The following DOCK2 variants were observed in gnomAD, a reference collection of about 807,000 sequenced individuals.
The protein encoded by DOCK2 is dedicator of cytokinesis protein 2.
Under a neutral mutation model 248.9 loss-of-function variants are expected in DOCK2, and 87 were observed. The ratio of observed to expected loss-of-function variants is 0.35; its 90% CI spans 0.29 to 0.42. The LOEUF (loss-of-function observed/expected upper bound fraction) is 0.42. Among genes scored for constraint, DOCK2 ranks in the 10% least tolerant of loss-of-function variants. The pLI is 1.00. For synonymous variants in DOCK2, 805 were observed against 821.6 expected (o/e 0.98, Z 0.35); for missense variants, 1,747 against 2,300.2 (o/e 0.76, Z 4.92).
chr5:169,717,355 A>G, intron 20 of DOCK2, 29 bp from the exon 21 acceptor site: 1 of 1,604,062 alleles, frequency 6.2e-7, no homozygotes, highest in South Asian at 1.1e-5. Flanking sequence ...GTTTGCCCTG[A>G]AAATACTGCT....
intron 44 of DOCK2, among the ~76,000 whole-genome samples, chr5:170,063,531 T>G (rs1418847935): frequency 1.3e-5 from 2 of 152,142 alleles, no homozygotes; most frequent in African/African-American, 4.8e-5. Context: ...CAAACTTGCA[T>G]CAGGAAGCTA....
chr5:170,007,333 T>C (rs1357951351), intron 30 of DOCK2, among the ~76,000 whole-genome samples: 1 of 152,226 alleles, frequency 6.6e-6, no homozygotes, highest in Non-Finnish European at 1.5e-5. Context: ...TTGCAGGACC[T>C]TGGCATCTTG....
chr5:169,836,231 A>T (rs1769576605), intron 26 of DOCK2, among the ~76,000 whole-genome samples: 3 of 152,248 alleles, frequency 2.0e-5, no homozygotes, highest in Admixed American at 2.0e-4. Context: ...TCAAAGTTTC[A>T]TTTAACTGGT....
At chr5:169,990,608 T>C (rs1045243145) in intron 29 of DOCK2, among the ~76,000 whole-genome samples, 1 of 152,174 alleles carries the variant, frequency 6.6e-6, no homozygotes, top group Non-Finnish European at 1.5e-5. Flanking sequence ...GAGCATTTTG[T>C]GTGTTGTAAA....
chr5:170,067,129 T>C (rs1372588168), intron 44 of DOCK2, among the ~76,000 whole-genome samples: 1 of 152,198 alleles, frequency 6.6e-6, no homozygotes, highest in Non-Finnish European at 1.5e-5. Flanking sequence ...GGTGCCCACA[T>C]CGCAAGCTGC....
chr5:169,693,713 G>A (rs1430108605), intron 9 of DOCK2, among the ~76,000 whole-genome samples: 1 of 152,166 alleles, frequency 6.6e-6, no homozygotes, highest in Non-Finnish European at 1.5e-5. Context: ...CAGCTGGTGG[G>A]ATGAACAGCC....
intron 22 of DOCK2, among the ~76,000 whole-genome samples, chr5:169,722,229 A>G (rs773926132): frequency 2.0e-5 from 3 of 152,228 alleles, no homozygotes; most frequent in Non-Finnish European, 4.4e-5. Context: ...TCAGACAACC[A>G]GCTGTGCAGA....
rs373745722 is a variant in DOCK2, at chr5:169,696,470, T to C, written c.979+532T>C. 1.3e-4 allele frequency among the ~76,000 whole-genome samples: 20 copies of C among 152,326 alleles called. No individual in the cohort carries two copies. In the East Asian group the frequency reaches 2.7e-3, roughly 21 times the overall value. Reference sequence around the variant, plus strand: ...CTCTCCTGGGGTTTCTAAGGCTTCGTCATTCTTGCCCCACTTTTATGGTTT... The same window carrying C: ...CTCTCCTGGGGTTTCTAAGGCTTCGCCATTCTTGCCCCACTTTTATGGTTT... On this transcript the variant is annotated intron_variant, in intron 10 of 51. Coordinates refer to ENST00000520908, the MANE Select transcript of DOCK2 (RefSeq NM_004946.3).
At chr5:169,804,376 A>G (rs1767179059) in intron 26 of DOCK2, among the ~76,000 whole-genome samples, 1 of 151,998 alleles carries the variant, frequency 6.6e-6, no homozygotes, top group East Asian at 1.9e-4. Flanking sequence ...GAACAAGAAA[A>G]CCTATCCCCA....
intron 25 of DOCK2, chr5:169,773,136 T>A (rs1482722727): frequency 6.6e-6 from 1 of 152,172 alleles, no homozygotes; most frequent in Non-Finnish European, 1.5e-5. Flanking sequence ...AATCCTCTCT[T>A]CCTGTTCTGA....
chr5:169,920,097 A>T (rs1775090537), intron 27 of DOCK2, among the ~76,000 whole-genome samples: 2 of 152,186 alleles, frequency 1.3e-5, no homozygotes, highest in Non-Finnish European at 2.9e-5. Flanking sequence ...TGAATAGTTA[A>T]AGAAACACCA....
At chr5:169,745,286 G>A (rs1342118869) in intron 22 of DOCK2, among the ~76,000 whole-genome samples, 1 of 152,132 alleles carries the variant, frequency 6.6e-6, no homozygotes, top group Non-Finnish European at 1.5e-5. Flanking sequence ...TGACATTTGG[G>A]CAAGTTTCAA....
At chr5:169,972,943 G>T (rs567856548) in intron 27 of DOCK2, among the ~76,000 whole-genome samples, 1 of 152,154 alleles carries the variant, frequency 6.6e-6, no homozygotes, top group Admixed American at 6.5e-5. Context: ...CCTAGTACCT[G>T]AGTGTGCTGT....
At chr5:169,715,017 A>G (rs1222547653) in intron 19 of DOCK2, among the ~76,000 whole-genome samples, 6 of 152,142 alleles carry the variant, frequency 3.9e-5, no homozygotes, top group African/African-American at 1.4e-4. Flanking sequence ...AGTACTACCC[A>G]CAGATCATTG....
chr5:170,032,563 C>G (rs2113835649), intron 34 of DOCK2, among the ~76,000 whole-genome samples: 1 of 152,262 alleles, frequency 6.6e-6, no homozygotes, highest in South Asian at 2.1e-4. Flanking sequence ...AAATCACACA[C>G]CAAACACTGG....
At chr5:169,866,250 A>G (rs554715846) in intron 27 of DOCK2, among the ~76,000 whole-genome samples, 1 of 152,106 alleles carries the variant, frequency 6.6e-6, no homozygotes, top group South Asian at 2.1e-4. Context: ...GGCCCTCTCT[A>G]TGGGGACATA....
chr5:169,841,500 G>A, intron 27 of DOCK2: 1 of 964,820 alleles, frequency 1.0e-6, no homozygotes, highest in East Asian at 1.2e-4. Context: ...AAATGAGTAT[G>A]CCCAACCATG....
chr5:169,712,095 C>A, intron 16 of DOCK2, 25 bp from the exon 17 acceptor site: 1 of 1,613,920 alleles, frequency 6.2e-7, no homozygotes, highest in Non-Finnish European at 8.5e-7. Flanking sequence ...CATTTTCTTT[C>A]CTGACCCCAC....
chr5:170,049,883 C>A (rs1756853444), intron 40 of DOCK2, among the ~76,000 whole-genome samples: 1 of 152,162 alleles, frequency 6.6e-6, no homozygotes, highest in South Asian at 2.1e-4. Flanking sequence ...CCATTCCAGC[C>A]CACAGGTCCA....
Sources: allele counts gnomAD v4.1 joint callset (sites outside exome capture counted in the v4.1 genomes callset), GRCh38; gene constraint gnomAD v4.1.1; transcripts MANE v1.5; gene names NCBI Gene and HGNC (gene_info 2026-07-23, HGNC 2026-07-21).